CYP24A1: variants seen among roughly 807,000 people sequenced by gnomAD.
The protein encoded by CYP24A1 is 1,25-dihydroxyvitamin D(3) 24-hydroxylase, mitochondrial.
A neutral mutation model predicts 62.4 loss-of-function variants in CYP24A1; 68 were observed. That is an observed-to-expected ratio of 1.09 (90% CI 0.90 to 1.33). CYP24A1 has a LOEUF of 1.33. Ranked by LOEUF, CYP24A1 falls within the 40% of genes most tolerant of loss-of-function variation. The pLI is 0.00. For missense variants in CYP24A1, 787 were observed against 653.0 expected (o/e 1.21, Z -2.24); for synonymous variants, 267 against 253.0 (o/e 1.06, Z -0.52).
intron 7 of CYP24A1, chr20:54,162,504 G>T: frequency 1.8e-6 from 1 of 561,648 alleles, no homozygotes; most frequent in Non-Finnish European, 3.2e-6. Flanking sequence ...TGGAGGCACC[G>T]TGGCGTCTGG....
chr20:54,167,846 T>C (rs768880521), intron 4 of CYP24A1, among the ~76,000 whole-genome samples: 1 of 152,168 alleles, frequency 6.6e-6, no homozygotes, highest in African/African-American at 2.4e-5. Flanking sequence ...TATGGAAGTG[T>C]TATAGGTTTT....
At chr20:54,156,222 C>G (rs927678002) in intron 11 of CYP24A1, among the ~76,000 whole-genome samples, 1 of 152,090 alleles carries the variant, frequency 6.6e-6, no homozygotes, top group Non-Finnish European at 1.5e-5. Context: ...TGTGAATGCC[C>G]TAATCCCTGG....
In CYP24A1 at chr20:54,173,773, C is replaced by T. The variant is rs2092703988; in HGVS notation, c.-194G>A. 7 of 601,390 alleles carry T rather than the reference C, an allele frequency of 1.2e-5. No homozygotes were observed. Among genetic ancestry groups the T allele is most frequent in the South Asian group, 4.0e-5 (2 of 50,618 alleles). The allele number at this position is 601,390 out of a possible 1,614,324, so 37.3% of individuals were successfully genotyped here. On this transcript the variant is annotated 5_prime_UTR_variant, in exon 1 of 12. In the 5' UTR this introduces an upstream ATG that the reference lacks. Coordinates refer to ENST00000216862, the MANE Select transcript of CYP24A1 (RefSeq NM_000782.5). The surrounding 1 kb of genome is among the most constrained non-coding windows in gnomAD (Gnocchi z 7.2). Reference sequence around the variant, plus strand: ...GGCGAGGATGCTCGACGCTGCACCACGCGACAGCCTCAGAGCATTGGTGCC... The same window carrying T: ...GGCGAGGATGCTCGACGCTGCACCATGCGACAGCCTCAGAGCATTGGTGCC...
intron 4 of CYP24A1, among the ~76,000 whole-genome samples, chr20:54,166,554 G>C (rs1445874679): frequency 6.6e-6 from 1 of 152,210 alleles, no homozygotes; most frequent in East Asian, 1.9e-4. Flanking sequence ...GAGCTCTCAG[G>C]TCACTTCACC....
chr20:54,164,828 TA>T lies in CYP24A1; in HGVS notation c.733-266del, dbSNP rs772562011. On this transcript the variant is annotated intron_variant, in intron 5 of 11. Coordinates refer to ENST00000216862, the MANE Select transcript of CYP24A1 (RefSeq NM_000782.5). ...AAATTGTAATCTTATGACCTAATTG[TA>T]AAAAAAAAAAAAAAAAGAGGAAAAA... 0.012 allele frequency among the ~76,000 whole-genome samples: 1,423 copies of T among 122,774 alleles called. 5 individuals carry two copies. The highest frequency in any genetic ancestry group is 0.019 in the South Asian group (77 of 3,952). 80.5% of individuals were successfully genotyped at this position (122,774 alleles called of 152,430 possible).
chr20:54,173,401 C>A lies in CYP24A1; in HGVS notation c.179G>T (p.Gly60Val), dbSNP rs775954512. 13 of 1,583,142 alleles carry A rather than the reference C, an allele frequency of 8.2e-6. No homozygotes were observed. The highest frequency in any genetic ancestry group is 3.6e-5 in the Admixed American group (2 of 55,756). Residue 60 changes from glycine (G) to valine (V), a missense_variant, in exon 1 of 12, where the codon GGC becomes GTC. Gly to Val is a moderately radical substitution (Grantham distance 109). Transcript: ENST00000216862. This position sits in a 1 kb window ranked among gnomAD's most constrained non-coding sequence, Gnocchi z 7.2. The stretch of plus-strand genomic sequence containing the variant: ...GCCCAGCAGTGGCCAGCTGGTGGGG[C>A]CCGGCAGGGCGGCCGCGTTCTGAGT... Reference protein sequence around the residue: ...GETQNAAALPGPTSWPLLGSL... With the variant: ...GETQNAAALPVPTSWPLLGSL...
chr20:54,146,202 T>C, the CYP24A1 span, among the ~76,000 whole-genome samples: 1 of 152,232 alleles, frequency 6.6e-6, no homozygotes. Flanking sequence ...CAAAAGCGAT[T>C]GTGGTTTTTG....
chr20:54,160,770 G>C (rs1288983876), intron 7 of CYP24A1, among the ~76,000 whole-genome samples: 1 of 152,236 alleles, frequency 6.6e-6, no homozygotes. Flanking sequence ...GTACCAAATA[G>C]AGTTTCCAAA....
the CYP24A1 span, among the ~76,000 whole-genome samples, chr20:54,148,371 C>CACACAG: frequency 1.0e-4 from 10 of 95,940 alleles, no homozygotes; most frequent in East Asian, 3.8e-4. Flanking sequence ...GACACACAGA[C>CACACAG]ACACACACAC....
chr20:54,145,134 A>G, the CYP24A1 span, among the ~76,000 whole-genome samples: 2 of 152,310 alleles, frequency 1.3e-5, no homozygotes, highest in African/African-American at 4.8e-5. Flanking sequence ...TAAGTTAACT[A>G]TTTTAAGCTC....
intron 7 of CYP24A1, among the ~76,000 whole-genome samples, chr20:54,162,218 GCCTTTTTTTTTT>G (rs2092652969): frequency 1.1e-5 from 1 of 91,614 alleles, no homozygotes; most frequent in African/African-American, 4.3e-5. Flanking sequence ...AAGAGAGTAT[GCCTTTTTTTTTT>G]TTTTTTTTTT....
chr20:54,158,866 G>A, intron 8 of CYP24A1, 91 bp downstream of exon 8: 1 of 1,602,768 alleles, frequency 6.2e-7, no homozygotes, highest in Admixed American at 1.7e-5. Flanking sequence ...ATTAGCTAGG[G>A]GAAGCCGCCC....
chr20:54,173,613 G>C lies in CYP24A1; in HGVS notation c.-34C>G. The C allele has an allele frequency of 6.5e-7, 1 of 1,530,036 alleles. No homozygotes were observed. The allele number at this position is 1,530,036 out of a possible 1,614,324, so 94.8% of individuals were successfully genotyped here. ...GGGACACCGGAGCGCGGGAAGGCAG[G>C]AGGATGGGGTGGGGCGAGGTTGGTA... On this transcript the variant is annotated 5_prime_UTR_variant, in exon 1 of 12. Coordinates refer to ENST00000216862, the MANE Select transcript of CYP24A1 (RefSeq NM_000782.5). This position sits in a 1 kb window ranked among gnomAD's most constrained non-coding sequence, Gnocchi z 7.2.
intron 2 of CYP24A1, 164 bp downstream of exon 2, chr20:54,172,745 C>CAAG: frequency 1.4e-6 from 2 of 1,477,900 alleles, no homozygotes; most frequent in Non-Finnish European, 9.0e-7. Context: ...CTAATCTGTA[C>CAAG]AAGAGCTCAG....
At chr20:54,151,727 T>G (rs1028165077), downstream of CYP24A1, among the ~76,000 whole-genome samples, 1 of 151,992 alleles carries the variant, frequency 6.6e-6, no homozygotes, top group Non-Finnish European at 1.5e-5. Context: ...CACGCCCAGC[T>G]AATTTTTTGT....
At position 54,173,074 on chromosome 20, in the gene CYP24A1, T is replaced by G. The variant is rs1365798036; in HGVS notation, c.284A>C (p.Lys95Thr). 1 of 1,604,754 alleles carries G rather than the reference T, an allele frequency of 6.2e-7. No individual in the cohort carries two copies. Among genetic ancestry groups the G allele is most frequent in the Non-Finnish European group, 8.5e-7 (1 of 1,179,988 alleles). ...GGAACCCAACTTCATGCGGAAAATCTTGCCATACTTCTTGTGGTACTCCAC... is the reference window on the plus strand; with the variant it reads ...GGAACCCAACTTCATGCGGAAAATCGTGCCATACTTCTTGTGGTACTCCAC... ...TLVEYHKKYGKIFRMKLGSFE... is the reference protein window; with the variant it reads ...TLVEYHKKYGTIFRMKLGSFE... Residue 95 changes from lysine to threonine, a missense_variant, in exon 2 of 12, where the codon AAG becomes ACG. Transcript: ENST00000216862. This position sits in a 1 kb window ranked among gnomAD's most constrained non-coding sequence, Gnocchi z 7.2.
chr20:54,165,533 A>T (rs1267529007), intron 5 of CYP24A1, among the ~76,000 whole-genome samples: 6 of 152,226 alleles, frequency 3.9e-5, no homozygotes, highest in Admixed American at 1.3e-4. Context: ...GTCTTCCACG[A>T]AACTGGTCCC....
chr20:54,162,857 C>T lies in CYP24A1; in HGVS notation c.850G>A (p.Ala284Thr). 1 of 1,569,186 alleles carries T rather than the reference C, an allele frequency of 6.4e-7. No individual in the cohort carries two copies. The highest frequency in any genetic ancestry group is 8.8e-7 in the Non-Finnish European group (1 of 1,139,386). The change falls in exon 7 of 12, where the codon GCT (alanine) becomes ACT (threonine). Residue 284 changes from alanine to threonine, a missense_variant. Transcript: ENST00000216862. ...AWDTIFKSVK[A>T]CIDNRLEKYS... ...TTCTCTAACCGGTTGTCGATACAAG[C>T]TTTGACTATTAGAGCAGAGAAGAAA...
intron 4 of CYP24A1, among the ~76,000 whole-genome samples, chr20:54,167,478 A>G (rs1442964952): frequency 1.3e-5 from 2 of 152,184 alleles, no homozygotes; most frequent in Admixed American, 1.3e-4. Flanking sequence ...CTACTTAAAA[A>G]ACACAAAAGT....
Sources: allele counts gnomAD v4.1 joint callset (sites outside exome capture counted in the v4.1 genomes callset), GRCh38; gene constraint gnomAD v4.1.1; non-coding constraint Gnocchi (gnomAD v3.1); transcripts MANE v1.5; gene names NCBI Gene and HGNC (gene_info 2026-07-23, HGNC 2026-07-21).